LAMA3: variants seen among roughly 807,000 people sequenced by gnomAD.
The protein encoded by LAMA3 is laminin subunit alpha 3.
Under a neutral mutation model 402.0 loss-of-function variants are expected in LAMA3, and 281 were observed. That is an observed-to-expected ratio of 0.70 (90% confidence interval 0.63 to 0.77). The LOEUF is 0.77. Among genes scored for constraint, LAMA3 ranks in the 30% least tolerant of loss-of-function variants. The probability of loss-of-function intolerance (pLI) is 0.00; values close to 1 mark genes in which losing one functional copy is unlikely to be tolerated. For synonymous variants in LAMA3, 1,431 were observed against 1,558.4 expected (o/e 0.92, Z 1.93); for missense variants, 3,840 against 4,215.5 (o/e 0.91, Z 2.47).
chr18:23,736,187 T>G (rs1347715393), intron 2 of LAMA3, among the ~76,000 whole-genome samples: 2 of 151,664 alleles, frequency 1.3e-5, no homozygotes, highest in East Asian at 3.9e-4. Context: ...GGCTCCAGAT[T>G]CTGCACTCTA....
At chr18:23,807,660 CCTT>C (rs998230531) in intron 12 of LAMA3, among the ~76,000 whole-genome samples, 2 of 152,076 alleles carry the variant, frequency 1.3e-5, no homozygotes, top group Non-Finnish European at 2.9e-5. Flanking sequence ...AGGCAGAATT[CCTT>C]CTTCCTTGGT....
intron 2 of LAMA3, among the ~76,000 whole-genome samples, chr18:23,714,598 A>T (rs1329957616): frequency 6.6e-6 from 1 of 152,212 alleles, no homozygotes; most frequent in African/African-American, 2.4e-5. Context: ...ATTAAATGAG[A>T]TTAAAAAATA....
intron 60 of LAMA3, among the ~76,000 whole-genome samples, chr18:23,919,896 G>A (rs1045414201): frequency 6.6e-6 from 1 of 152,104 alleles, no homozygotes; most frequent in East Asian, 1.9e-4. Flanking sequence ...TGGGGAGACC[G>A]GCGGGTTGTT....
rs2081706924 is a variant in LAMA3 at position 23,918,234 on chromosome 18, T to A, written c.7923+1539T>A. On this transcript the variant is annotated intron_variant, in intron 60 of 74. Coordinates refer to ENST00000313654, the MANE Select transcript of LAMA3 (RefSeq NM_198129.4). The surrounding 1 kb of genome is among the most constrained non-coding windows in gnomAD (Gnocchi z 4.1). The stretch of plus-strand genomic sequence containing the variant: ...GGCTTTATCTCTGGGCTCTCTATTC[T>A]GTTCCATTGATGTCTATTTTAATGA... 1.3e-5 allele frequency among the ~76,000 whole-genome samples: 2 copies of A among 152,220 alleles called. No homozygotes were observed. Among genetic ancestry groups the A allele is most frequent in the South Asian group, 4.1e-4 (2 of 4,830 alleles).
At chr18:23,745,844 G>A (rs1200594587) in intron 2 of LAMA3, among the ~76,000 whole-genome samples, 2 of 152,186 alleles carry the variant, frequency 1.3e-5, no homozygotes, top group Admixed American at 6.5e-5. Context: ...GATTAAGAAT[G>A]CTTTGAATGA....
Position 23,890,020 on chromosome 18 carries a change from G to A in LAMA3, c.5313G>A (p.Pro1771=), listed in dbSNP as rs141738236. The change falls in exon 42 of 75, where the codon CCG becomes CCA. Residue 1771 remains proline, a synonymous_variant. Coordinates refer to ENST00000313654, the MANE Select transcript of LAMA3 (RefSeq NM_198129.4). The part of the protein sequence containing the change: ...YTGTQCERCA[P]GYFGNPQKFG... ...TCTATATTTTGTGTAGGTGTGCACC[G>A]GGATATTTCGGGAATCCCCAGAAAT... The A allele has an allele frequency of 7.4e-6, 12 of 1,613,132 alleles. No individual in the cohort carries two copies. Among genetic ancestry groups the A allele is most frequent in the African/African-American group, 4.0e-5 (3 of 74,976 alleles).
chr18:23,760,389 T>C (rs1477286434), intron 7 of LAMA3, among the ~76,000 whole-genome samples: 1 of 152,118 alleles, frequency 6.6e-6, no homozygotes, highest in African/African-American at 2.4e-5. Context: ...TAAGAAAGCA[T>C]TGAGCCTGTT....
intron 1 of LAMA3, among the ~76,000 whole-genome samples, chr18:23,708,306 T>C (rs2060927702): frequency 6.6e-6 from 1 of 152,214 alleles, no homozygotes. Flanking sequence ...AAGGGCAAGT[T>C]TCCTCCTCCC....
At chr18:23,710,781 A>T (rs1401380329) in intron 1 of LAMA3, among the ~76,000 whole-genome samples, 1 of 152,206 alleles carries the variant, frequency 6.6e-6, no homozygotes, top group Non-Finnish European at 1.5e-5. Flanking sequence ...TGACCGTTTA[A>T]GAGTAACTTA....
chr18:23,689,742 C>T lies in LAMA3; in HGVS notation c.59C>T (p.Pro20Leu). ...RALGPVLPPT[P>L]LLLLVLRVLP... ...CTGGGGCCAGTACTGCCGCCGACGCCGCTGCTCCTGCTGGTACTGCGGGTG... is the reference window on the plus strand; with the variant it reads ...CTGGGGCCAGTACTGCCGCCGACGCTGCTGCTCCTGCTGGTACTGCGGGTG... The change falls in exon 1 of 75, where the codon CCG becomes CTG. Residue 20 changes from proline to leucine, a missense_variant. Coordinates refer to ENST00000313654, the MANE Select transcript of LAMA3 (RefSeq NM_198129.4). 4 of 1,503,292 alleles carry T rather than the reference C, an allele frequency of 2.7e-6. No homozygotes were observed. The highest frequency in any genetic ancestry group is 2.7e-6 in the Non-Finnish European group (3 of 1,130,014). 93.1% of individuals were successfully genotyped at this position (1,503,292 alleles called of 1,614,324 possible).
chr18:23,909,348 T>C, intron 55 of LAMA3, 53 bp downstream of exon 55: 5 of 1,519,672 alleles, frequency 3.3e-6, no homozygotes, highest in Non-Finnish European at 3.6e-6. Context: ...TAATGAGTTA[T>C]CACATTTATC....
intron 9 of LAMA3, 141 bp downstream of exon 9, chr18:23,773,728 G>A: frequency 1.5e-6 from 1 of 688,244 alleles, no homozygotes; most frequent in Non-Finnish European, 2.7e-6. Context: ...TGTGACCTCA[G>A]TCACTTACAC....
At chr18:23,913,918 A>AT (rs1282447691) in intron 56 of LAMA3, among the ~76,000 whole-genome samples, 2 of 152,210 alleles carry the variant, frequency 1.3e-5, no homozygotes, top group Non-Finnish European at 2.9e-5. Context: ...TTTTATGGAT[A>AT]TTATGCCGTG....
At chr18:23,762,503 C>T (rs571203237) in intron 7 of LAMA3, among the ~76,000 whole-genome samples, 19 of 151,386 alleles carry the variant, frequency 1.3e-4, no homozygotes, top group Non-Finnish European at 2.4e-4. Flanking sequence ...GTGGGAGAAT[C>T]GCTTGAACCC....
At chr18:23,857,414 A>G (rs950356907) in intron 32 of LAMA3, among the ~76,000 whole-genome samples, 2 of 152,092 alleles carry the variant, frequency 1.3e-5, no homozygotes, top group African/African-American at 4.8e-5. Context: ...GCGCATCCCA[A>G]CTTCTACCCT....
chr18:23,846,329 C>A lies in LAMA3; in HGVS notation c.3752C>A (p.Ser1251Tyr), dbSNP rs1344836814. The change falls in exon 31 of 75, where the codon TCC becomes TAC. Residue 1251 changes from serine to tyrosine, a missense_variant. Transcript: ENST00000313654. ...PQTASRFCKN[S>Y]ARSLVAFYHK... The stretch of plus-strand genomic sequence containing the variant: ...ACAGCCTCCAGATTCTGTAAGAATT[C>A]CGCCAGGTCCCTGGTGGCCTTTTAC... 2 of 1,614,244 alleles carry A rather than the reference C, an allele frequency of 1.2e-6. No individual in the cohort carries two copies. Among genetic ancestry groups the A allele is most frequent in the Non-Finnish European group, 1.7e-6 (2 of 1,180,042 alleles).
chr18:23,846,190 C>A, intron 30 of LAMA3, 107 bp from the exon 31 acceptor site: 1 of 1,111,544 alleles, frequency 9.0e-7, no homozygotes, highest in Non-Finnish European at 1.4e-6. Context: ...GAACCATGAG[C>A]CCGTCCCACA....
rs981054957 is a variant in LAMA3, at chr18:23,822,359, T to C, written c.2412T>C (p.Thr804=). ...PGTEAVSGHI[T]IYPSWGAAQS... ...CTGAAGCAGTATCTGGCCATATAAC[T>C]ATTTATCCATCCTGGGGTAAGGCAC... The change falls in exon 20 of 75, where the codon ACT becomes ACC. Residue 804 remains threonine, a synonymous_variant. Coordinates refer to ENST00000313654, the MANE Select transcript of LAMA3 (RefSeq NM_198129.4). 1 of 1,613,762 alleles carries C rather than the reference T, an allele frequency of 6.2e-7. No individual in the cohort carries two copies. The highest frequency in any genetic ancestry group is 1.3e-5 in the African/African-American group (1 of 74,924).
At chr18:23,815,333 T>C in intron 16 of LAMA3, 93 bp downstream of exon 16, 1 of 1,367,766 alleles carries the variant, frequency 7.3e-7, no homozygotes, top group East Asian at 2.3e-5. Context: ...CTTCTGTCAT[T>C]CTACAGTGCA....
Sources: allele counts gnomAD v4.1 joint callset (sites outside exome capture counted in the v4.1 genomes callset), GRCh38; gene constraint gnomAD v4.1.1; non-coding constraint Gnocchi (gnomAD v3.1); transcripts MANE v1.5; gene names NCBI Gene and HGNC (gene_info 2026-07-23, HGNC 2026-07-21).